The following RYR3 variants were observed in gnomAD, a reference collection of about 807,000 sequenced individuals.
RYR3 encodes ryanodine receptor 3.
RYR3 carries 207 observed loss-of-function variants against 584.3 expected under a neutral mutation model. The observed-to-expected ratio is 0.35, with a 90% CI of 0.32 to 0.40. The LOEUF (loss-of-function observed/expected upper bound fraction) is 0.40. Among genes scored for constraint, RYR3 ranks in the 10% least tolerant of loss-of-function variants. The pLI is 1.00. For missense variants in RYR3, 5,616 were observed against 6,089.2 expected (o/e 0.92, Z 2.59); for synonymous variants, 2,416 against 2,248.5 (o/e 1.07, Z -2.11).
chr15:33,554,092 C>G (rs1430617877), intron 10 of RYR3, among the ~76,000 whole-genome samples: 1 of 152,126 alleles, frequency 6.6e-6, no homozygotes, highest in East Asian at 1.9e-4. Flanking sequence ...GAGAGGAAAA[C>G]CTGCTCATGC....
chr15:33,829,219 G>C (rs1476911824), intron 85 of RYR3, among the ~76,000 whole-genome samples: 1 of 152,084 alleles, frequency 6.6e-6, no homozygotes, highest in Non-Finnish European at 1.5e-5. Flanking sequence ...CTATGCACCT[G>C]GTTCCAAGAG....
At position 33,663,701 on chromosome 15, in the gene RYR3, G is replaced by A; in HGVS notation, c.5583G>A (p.Arg1861=). The A allele has an allele frequency of 6.2e-7, 1 of 1,610,582 alleles. No homozygotes were observed. Among genetic ancestry groups the A allele is most frequent in the Non-Finnish European group, 8.5e-7 (1 of 1,178,858 alleles). ...ALNMSAALTA[R]KTKEFRSPPQ... ...ACATGTCTGCGGCCCTGACTGCCCG[G>A]AAGACCAAGGAGTTCCGCTCACCCC... is the stretch of plus-strand genomic sequence containing the variant. The change falls in exon 36 of 104, where the codon CGG becomes CGA. Residue 1861 remains arginine (R), a synonymous_variant. Transcript: ENST00000634891.
chr15:33,354,117 A>G (rs1298815849), intron 1 of RYR3, among the ~76,000 whole-genome samples: 1 of 152,190 alleles, frequency 6.6e-6, no homozygotes, highest in Admixed American at 6.5e-5. Context: ...TTTGGTGAGT[A>G]CTTATTGTTA....
At chr15:33,745,178 G>T (rs900116559) in intron 52 of RYR3, among the ~76,000 whole-genome samples, 1 of 152,118 alleles carries the variant, frequency 6.6e-6, no homozygotes, top group African/African-American at 2.4e-5. Context: ...GTGAGCATAA[G>T]CTGGGGCTGT....
At chr15:33,596,042 A>C (rs1029114360) in intron 16 of RYR3, among the ~76,000 whole-genome samples, 1 of 151,144 alleles carries the variant, frequency 6.6e-6, no homozygotes, top group Non-Finnish European at 1.5e-5. Flanking sequence ...ATTCTTTCTT[A>C]TATAAAATTA....
chr15:33,315,782 A>T (rs1968081562), intron 1 of RYR3, among the ~76,000 whole-genome samples: 2 of 152,234 alleles, frequency 1.3e-5, no homozygotes, highest in African/African-American at 4.8e-5. Context: ...GGGTGGTGGC[A>T]CATATCTTCT....
rs1307643290 is a variant in RYR3 at position 33,350,912 on chromosome 15, GAGC to G, written c.51+39819_51+39821del. 9.9e-5 allele frequency among the ~76,000 whole-genome samples: 15 copies of G among 152,256 alleles called. No individual in the cohort carries two copies. In the East Asian group the frequency reaches 2.9e-3, roughly 29 times the overall value. ...AGAAGGCAAGAAATAACCAAAGTCA[GAGC>G]AGAACTGAAGGAAATAGAGACACAA... On this transcript the variant is annotated intron_variant, in intron 1 of 103. Transcript: ENST00000634891.
At chr15:33,604,568 C>A (rs1400601857) in intron 18 of RYR3, among the ~76,000 whole-genome samples, 1 of 152,128 alleles carries the variant, frequency 6.6e-6, no homozygotes, top group Non-Finnish European at 1.5e-5. Flanking sequence ...GAAAAAAAGC[C>A]TTCGTTCATG....
At chr15:33,562,768 C>G (rs553654086) in intron 10 of RYR3, 69 bp from the exon 11 acceptor site, 1 of 1,157,824 alleles carries the variant, frequency 8.6e-7, no homozygotes, top group African/African-American at 1.5e-5. Context: ...ATAGGTGATT[C>G]GTTTTGTATA....
intron 20 of RYR3, among the ~76,000 whole-genome samples, chr15:33,626,835 T>A (rs534953560): frequency 6.6e-6 from 1 of 152,150 alleles, no homozygotes; most frequent in Non-Finnish European, 1.5e-5. Flanking sequence ...AAGTCAAGAA[T>A]TGAGGTTTGG....
Position 33,660,338 on chromosome 15 carries a change from G to A in RYR3, c.4537G>A (p.Glu1513Lys), listed in dbSNP as rs896316114. 45 of 1,591,988 alleles carry A rather than the reference G, an allele frequency of 2.8e-5. No individual in the cohort carries two copies. The highest frequency in any genetic ancestry group is 3.2e-5 in the Non-Finnish European group (38 of 1,169,660). The change falls in exon 34 of 104, where the codon GAG (glutamate) becomes AAG (lysine). Residue 1513 changes from glutamate to lysine, a missense_variant. This residue lies in a region of RYR3 where 753 missense variants were observed against 741.0 expected (regional missense o/e 1.02). Transcript: ENST00000634891. The part of the protein sequence containing the change: ...MPNSFLKVET[E>K]RVSERHGWVV... Reference sequence around the variant, plus strand: ...CAACAGCTTCCTGAAGGTGGAGACCGAGCGTGTGAGCGAGCGCCACGGCTG... The same window carrying A: ...CAACAGCTTCCTGAAGGTGGAGACCAAGCGTGTGAGCGAGCGCCACGGCTG...
At position 33,800,783 on chromosome 15, in the gene RYR3, A is replaced by G; in HGVS notation, c.9844A>G (p.Lys3282Glu). ...YVDNNRSNWL[K>E]SPDADSDQLF... ...TTTTGGACCCAGATCTAACTGGCTG[A>G]AAAGTCCTGATGCTGATTCTGACCA... is the stretch of plus-strand genomic sequence containing the variant. The change falls in exon 68 of 104, where the codon AAA becomes GAA. Residue 3282 changes from lysine to glutamate, a missense_variant. Physicochemically the swap from Lys to Glu is moderately conservative, Grantham distance 56 (BLOSUM62 1). This residue lies in a region of RYR3 where 954 missense variants were observed against 1,132.2 expected (regional missense o/e 0.84). Coordinates refer to ENST00000634891, the MANE Select transcript of RYR3 (RefSeq NM_001036.6). 1 of 1,613,510 alleles carries G rather than the reference A, an allele frequency of 6.2e-7. No homozygotes were observed. Among genetic ancestry groups the G allele is most frequent in the Non-Finnish European group, 8.5e-7 (1 of 1,179,422 alleles).
At chr15:33,863,598 G>C (rs1021361379) in intron 102 of RYR3, among the ~76,000 whole-genome samples, 3 of 152,104 alleles carry the variant, frequency 2.0e-5, no homozygotes, top group Admixed American at 1.3e-4. Context: ...TCAAACCTAA[G>C]ATATGGATCA....
intron 85 of RYR3, 147 bp from the exon 86 acceptor site, chr15:33,830,816 C>G: frequency 1.5e-6 from 1 of 674,958 alleles, no homozygotes; most frequent in Non-Finnish European, 2.4e-6. Context: ...GACCTGGTAT[C>G]TCTGCACTTC....
chr15:33,743,815 A>G (rs149971870), intron 52 of RYR3, among the ~76,000 whole-genome samples: 6 of 152,360 alleles, frequency 3.9e-5, no homozygotes, highest in African/African-American at 1.4e-4. Flanking sequence ...TCTGTTCTTC[A>G]TACTGCAAGC....
chr15:33,713,908 C>A (rs568557600), intron 43 of RYR3, among the ~76,000 whole-genome samples: 3 of 152,112 alleles, frequency 2.0e-5, no homozygotes, highest in Admixed American at 1.3e-4. Context: ...TAATTACCTA[C>A]CAAAGGCCCT....
chr15:33,636,454 C>T lies in RYR3; in HGVS notation c.3460C>T (p.Leu1154=), dbSNP rs775114806. 3 of 1,613,754 alleles carry T rather than the reference C, an allele frequency of 1.9e-6. No individual in the cohort carries two copies. The highest frequency in any genetic ancestry group is 2.5e-6 in the Non-Finnish European group (3 of 1,179,766). The change falls in exon 27 of 104, where the codon CTG becomes TTG. Residue 1154 remains leucine (L), a synonymous_variant. Transcript: ENST00000634891. ...PGDVVGCMIN[L]DDASMIFTLN... is the part of the protein sequence containing the mutation. ...GGATGTGGTCGGATGTATGATTAACCTGGATGATGCTTCAATGATCTTCAC... is the reference window on the plus strand; with the variant it reads ...GGATGTGGTCGGATGTATGATTAACTTGGATGATGCTTCAATGATCTTCAC...
At chr15:33,407,075 A>G (rs2043074720) in intron 1 of RYR3, among the ~76,000 whole-genome samples, 3 of 152,124 alleles carry the variant, frequency 2.0e-5, no homozygotes, top group Non-Finnish European at 4.4e-5. Context: ...GAAGGGGAGG[A>G]ACACTGTGTC....
At chr15:33,711,156 A>G (rs1427287130) in intron 43 of RYR3, among the ~76,000 whole-genome samples, 1 of 151,840 alleles carries the variant, frequency 6.6e-6, no homozygotes, top group East Asian at 1.9e-4. Context: ...GTTTAAATAA[A>G]TTTCCAACTT....
Sources: allele counts gnomAD v4.1 joint callset (sites outside exome capture counted in the v4.1 genomes callset), GRCh38; gene constraint gnomAD v4.1.1; regional missense constraint gnomAD v4.1.1; transcripts MANE v1.5; gene names NCBI Gene and HGNC (gene_info 2026-07-23, HGNC 2026-07-21).